The following GOLGA8A variants were observed in gnomAD, a reference collection of about 807,000 sequenced individuals.
GOLGA8A encodes golgin A8 family member A.
GOLGA8A carries 3 observed loss-of-function variants against 22.1 expected under a neutral mutation model. That is an observed-to-expected ratio of 0.14 (90% CI 0.06 to 0.35). GOLGA8A has a LOEUF of 0.35. GOLGA8A is among the 10% of genes least tolerant of loss of function. The pLI is 1.00. For synonymous variants in GOLGA8A, 7 were observed against 91.7 expected (o/e 0.08, Z 5.28); for missense variants, 16 against 233.2 (o/e 0.07, Z 6.07).
chr15:34,417,636 T>C (rs1251938812), intron 2 of GOLGA8A: 1 of 145,996 alleles, frequency 6.8e-6, no homozygotes, highest in African/African-American at 2.5e-5. Flanking sequence ...TTAGAATGCA[T>C]ACGGTAGTGT....
At chr15:34,423,406 T>C (rs200847217) in intron 2 of GOLGA8A, among the ~76,000 whole-genome samples, 2,559 of 128,946 alleles carry the variant, frequency 0.02, 8 homozygotes, top group South Asian at 0.07. Flanking sequence ...CCCATCACCA[T>C]AAACACATTG....
At chr15:34,434,202 G>A (rs1893386621) in intron 2 of GOLGA8A, among the ~76,000 whole-genome samples, 1 of 149,334 alleles carries the variant, frequency 6.7e-6, no homozygotes, top group Non-Finnish European at 1.5e-5. Flanking sequence ...AGCGAGCGGG[G>A]GAACTTGAGA....
chr15:34,379,790 C>T lies in GOLGA8A; in HGVS notation c.*1621G>A, dbSNP rs1212582786. Reference sequence around the variant, plus strand: ...ATGAAGTTTTAACTGTTGATTCTTTCCCAAGCATCATCAAGTTATGATTTA... The same window carrying T: ...ATGAAGTTTTAACTGTTGATTCTTTTCCAAGCATCATCAAGTTATGATTTA... On this transcript the variant is annotated 3_prime_UTR_variant, in exon 25 of 25. Coordinates refer to ENST00000359187, the MANE Select transcript of GOLGA8A (RefSeq NM_181077.5). The T allele has an allele frequency of 6.6e-6, 1 of 152,610 alleles. No individual in the cohort carries two copies. Among genetic ancestry groups the T allele is most frequent in the Non-Finnish European group, 1.5e-5 (1 of 68,036 alleles). 9.5% of individuals were successfully genotyped at this position (152,610 alleles called of 1,614,324 possible). A position where few individuals can be genotyped will look rare whatever the true frequency, so the allele number is the denominator to read the frequency against.
intron 2 of GOLGA8A, among the ~76,000 whole-genome samples, chr15:34,423,974 G>A (rs1489187419): frequency 6.8e-6 from 1 of 147,690 alleles, no homozygotes; most frequent in East Asian, 2.0e-4. Flanking sequence ...ATGGGTCCCA[G>A]ACATTGCCAC....
chr15:34,386,086 T>C (rs1311051078), intron 12 of GOLGA8A, among the ~76,000 whole-genome samples: 5 of 146,962 alleles, frequency 3.4e-5, no homozygotes, highest in Non-Finnish European at 7.4e-5. Flanking sequence ...GTGTGTTCAT[T>C]CAATAGACAT....
At chr15:34,426,290 C>T (rs1271312430) in intron 2 of GOLGA8A, among the ~76,000 whole-genome samples, 1 of 149,816 alleles carries the variant, frequency 6.7e-6, no homozygotes, top group Non-Finnish European at 1.5e-5. Flanking sequence ...CTAAGACACA[C>T]AGCTGGTGAG....
At chr15:34,431,345 A>ATCTCTC (rs1232402619) in intron 2 of GOLGA8A, among the ~76,000 whole-genome samples, 1 of 130,482 alleles carries the variant, frequency 7.7e-6, no homozygotes, top group African/African-American at 3.1e-5. Context: ...ATATATATAT[A>ATCTCTC]TCTCACACAC....
intron 2 of GOLGA8A, among the ~76,000 whole-genome samples, chr15:34,432,337 T>A (rs1893293723): frequency 6.7e-6 from 1 of 148,368 alleles, no homozygotes; most frequent in Non-Finnish European, 1.5e-5. Context: ...GCCCACCCTG[T>A]TAAAAACAAA....
At chr15:34,435,136 C>T (rs1893443364) in intron 2 of GOLGA8A, among the ~76,000 whole-genome samples, 1 of 149,358 alleles carries the variant, frequency 6.7e-6, no homozygotes, top group African/African-American at 2.5e-5. Context: ...GCAGAGGACA[C>T]GGAGGAGTGC....
In GOLGA8A at chr15:34,432,484, C is replaced by T. The variant is rs1049773310; in HGVS notation, c.-1123+2899G>A. On this transcript the variant is annotated intron_variant, in intron 2 of 24. Coordinates refer to ENST00000359187, the MANE Select transcript of GOLGA8A (RefSeq NM_181077.5). ...GCAACCCACAGCTCAGCTACCTGTC[C>T]CCAGCCTCCTCGTTGCAAAGTTAAG... 1.0e-4 allele frequency among the ~76,000 whole-genome samples: 15 copies of T among 148,934 alleles called. 1 individual carries two copies. Among genetic ancestry groups the T allele is most frequent in the African/African-American group, 3.7e-4 (15 of 40,320 alleles).
intron 2 of GOLGA8A, among the ~76,000 whole-genome samples, chr15:34,433,231 C>T (rs1893336616): frequency 6.7e-6 from 1 of 149,032 alleles, no homozygotes; most frequent in Non-Finnish European, 1.5e-5. Context: ...TGGCTGAGAG[C>T]CCTGGGACAG....
chr15:34,434,116 G>A (rs75679307), intron 2 of GOLGA8A, among the ~76,000 whole-genome samples: 1 of 149,592 alleles, frequency 6.7e-6, no homozygotes, highest in African/African-American at 2.5e-5. Flanking sequence ...GGATGGGGTG[G>A]GGACAACCCA....
chr15:34,427,512 C>A (rs1449404454), intron 2 of GOLGA8A, among the ~76,000 whole-genome samples: 2 of 148,244 alleles, frequency 1.3e-5, no homozygotes, highest in Admixed American at 1.4e-4. Flanking sequence ...TTCCTTCCAG[C>A]TCAACAGAGC....
intron 1 of GOLGA8A, among the ~76,000 whole-genome samples, chr15:34,437,158 C>T (rs1893563615): frequency 6.8e-6 from 1 of 147,498 alleles, no homozygotes; most frequent in Non-Finnish European, 1.5e-5. Context: ...CCCCGCCGCA[C>T]CCGCCCGCCC....
chr15:34,433,558 T>TGAGG (rs1368474195), intron 2 of GOLGA8A, among the ~76,000 whole-genome samples: 2 of 149,080 alleles, frequency 1.3e-5, no homozygotes, highest in Non-Finnish European at 3.0e-5. Context: ...GCCCACTGAA[T>TGAGG]GAGGGTCTGT....
rs1407399017 is a variant in GOLGA8A at position 34,379,484 on chromosome 15, A to G, written c.*1927T>C. On this transcript the variant is annotated 3_prime_UTR_variant, in exon 25 of 25. Coordinates refer to ENST00000359187, the MANE Select transcript of GOLGA8A (RefSeq NM_181077.5). ...CATTCTGAAACTGGATTTGTGTAATACATTGATAAATTCATACAATTTGGA... is the reference window on the plus strand; with the variant it reads ...CATTCTGAAACTGGATTTGTGTAATGCATTGATAAATTCATACAATTTGGA... The G allele has an allele frequency of 6.6e-6, 1 of 152,646 alleles. No individual in the cohort carries two copies. The highest frequency in any genetic ancestry group is 1.5e-5 in the Non-Finnish European group (1 of 68,044). The allele number at this position is 152,646 out of a possible 1,614,324, so 9.5% of individuals were successfully genotyped here.
chr15:34,430,667 TCA>T (rs1893187123), intron 2 of GOLGA8A, among the ~76,000 whole-genome samples: 1 of 149,496 alleles, frequency 6.7e-6, no homozygotes, highest in Non-Finnish European at 1.5e-5. Flanking sequence ...GGTAAAACAC[TCA>T]CACATCCTAA....
intron 2 of GOLGA8A, among the ~76,000 whole-genome samples, chr15:34,424,610 C>T (rs1028231005): frequency 3.7e-5 from 5 of 134,230 alleles, no homozygotes; most frequent in African/African-American, 1.1e-4. Context: ...AAGTGAGAGA[C>T]GCACAAACAT....
intron 2 of GOLGA8A, among the ~76,000 whole-genome samples, chr15:34,427,572 G>A (rs2644231): frequency 0.015 from 2,108 of 142,424 alleles, 66 homozygotes; most frequent in African/African-American, 0.053. Context: ...TCCTGGGGCC[G>A]CAGAATTCAG....
Sources: gnomAD v4.1 joint callset for allele counts (sites outside exome capture counted in the v4.1 genomes callset) on GRCh38, gnomAD v4.1.1 for gene constraint, MANE v1.5 for transcripts, NCBI Gene and HGNC (gene_info 2026-07-23, HGNC 2026-07-21) for gene names.